The following GTF2E2 variants were observed in gnomAD, a reference collection of about 807,000 sequenced individuals.
GTF2E2 encodes the protein general transcription factor IIE subunit 2.
Under a neutral mutation model 40.5 loss-of-function variants are expected in GTF2E2, and 21 were observed. The ratio of observed to expected loss-of-function variants is 0.52; its 90% confidence interval spans 0.37 to 0.75. The LOEUF (loss-of-function observed/expected upper bound fraction) is 0.75. Ranked by LOEUF, GTF2E2 falls within the 30% of genes least tolerant of loss-of-function variation. The pLI, the probability that GTF2E2 is intolerant of heterozygous loss-of-function variation, is 0.00. For synonymous variants in GTF2E2, 117 were observed against 121.6 expected (o/e 0.96, Z 0.25); for missense variants, 298 against 338.4 (o/e 0.88, Z 0.94).
At chr8:30,584,529 C>T (rs1011995578) in intron 6 of GTF2E2, 5 of 152,162 alleles carry the variant, frequency 3.3e-5, no homozygotes, top group Admixed American at 3.3e-4. Context: ...ATTTAGAAAT[C>T]TACTCTCTTA....
chr8:30,651,079 A>G (rs1346727222), intron 2 of GTF2E2, among the ~76,000 whole-genome samples: 1 of 152,064 alleles, frequency 6.6e-6, no homozygotes, highest in Non-Finnish European at 1.5e-5. Context: ...TGGAAAGGGC[A>G]TGTACAAAAA....
At chr8:30,620,074 T>C (rs957460753) in intron 3 of GTF2E2, among the ~76,000 whole-genome samples, 3 of 152,046 alleles carry the variant, frequency 2.0e-5, no homozygotes, top group African/African-American at 7.3e-5. Context: ...CTCCCCTTTA[T>C]GTCTCCAGAA....
At position 30,656,518 on chromosome 8, in the gene GTF2E2, A is replaced by T. The variant is rs149153712; in HGVS notation, c.-5+1455T>A. On this transcript the variant is annotated intron_variant, in intron 1 of 7. Transcript: ENST00000355904. ...GACTTTAAAAAAATTACTCTAAAAG[A>T]TTTAAATAGGCCGGGCGCAGCGGCT... Among the ~76,000 whole-genome samples the T allele has an allele frequency of 6.6e-5, 10 of 152,280 alleles. No homozygotes were observed. In the East Asian group the frequency reaches 1.4e-3, roughly 21 times the overall value.
chr8:30,634,822 T>C (rs1801536510), intron 3 of GTF2E2, among the ~76,000 whole-genome samples: 2 of 152,192 alleles, frequency 1.3e-5, no homozygotes, highest in Non-Finnish European at 2.9e-5. Context: ...TTAATGCAGA[T>C]TAAATATGCT....
chr8:30,598,871 A>G (rs1829089031), intron 6 of GTF2E2, among the ~76,000 whole-genome samples: 1 of 152,194 alleles, frequency 6.6e-6, no homozygotes, highest in Non-Finnish European at 1.5e-5. Flanking sequence ...AAACAAGACA[A>G]TCTTTGGCTG....
intron 3 of GTF2E2, among the ~76,000 whole-genome samples, chr8:30,619,622 C>T (rs1044733215): frequency 6.6e-6 from 1 of 151,858 alleles, no homozygotes; most frequent in African/African-American, 2.4e-5. Context: ...CTCCTGACCT[C>T]ATGATCTGGC....
Position 30,620,426 on chromosome 8 carries a change from G to A in GTF2E2, c.259-5711C>T, listed in dbSNP as rs186356627. ...AAGAAAAGGTTAAATGAAGATGTTT[G>A]ACACAGCACTCATTCAATCATACTG... On this transcript the variant is annotated intron_variant, in intron 3 of 7. Coordinates refer to ENST00000355904, the MANE Select transcript of GTF2E2 (RefSeq NM_002095.6). 7.9e-5 allele frequency among the ~76,000 whole-genome samples: 12 copies of A among 152,152 alleles called. No homozygotes were observed. In the East Asian group the frequency reaches 9.6e-4, roughly 12 times the overall value.
At chr8:30,625,514 C>T (rs67817462) in intron 3 of GTF2E2, among the ~76,000 whole-genome samples, 54,418 of 151,994 alleles carry the variant, frequency 0.36, 10,121 homozygotes, top group African/African-American at 0.46. Flanking sequence ...CAGGCAACGA[C>T]CGAACAGCCA....
intron 3 of GTF2E2, among the ~76,000 whole-genome samples, chr8:30,629,606 G>A (rs535129668): frequency 1.5e-4 from 23 of 150,656 alleles, no homozygotes; most frequent in African/African-American, 5.1e-4. Context: ...GGAGAATGGC[G>A]TGAACCCAGG....
intron 2 of GTF2E2, among the ~76,000 whole-genome samples, chr8:30,651,014 A>AG (rs1802256830): frequency 3.3e-5 from 1 of 30,684 alleles, no homozygotes; most frequent in Non-Finnish European, 6.5e-5. Flanking sequence ...ACTCCGTCTC[A>AG]AAAAAAAAAA....
intron 6 of GTF2E2, among the ~76,000 whole-genome samples, chr8:30,587,871 T>C (rs1382251999): frequency 9.5e-6 from 1 of 105,066 alleles, no homozygotes; most frequent in Non-Finnish European, 1.8e-5. Flanking sequence ...GACTCCGTCT[T>C]AAAAAAAAAA....
chr8:30,619,633 C>T (rs1801027318), intron 3 of GTF2E2, among the ~76,000 whole-genome samples: 1 of 151,856 alleles, frequency 6.6e-6, no homozygotes, highest in South Asian at 2.1e-4. Flanking sequence ...ATGATCTGGC[C>T]ACCTCAGCCT....
chr8:30,602,854 C>T (rs1829221419), intron 6 of GTF2E2, among the ~76,000 whole-genome samples: 1 of 152,018 alleles, frequency 6.6e-6, no homozygotes, highest in Non-Finnish European at 1.5e-5. Context: ...TTTGCTATTC[C>T]CTCTGCCTGG....
In GTF2E2 at chr8:30,635,078, G is replaced by C. The variant is rs913677259; in HGVS notation, c.212C>G (p.Ser71Cys). ...SFNLKALSGS[S>C]GYKFGVLAKI... is the part of the protein sequence containing the mutation. ...AGCAAGAACACCAAACTTATATCCAGAGCTTCCTGACAAAGCTTTCAAGTT... is the reference window on the plus strand; with the variant it reads ...AGCAAGAACACCAAACTTATATCCACAGCTTCCTGACAAAGCTTTCAAGTT... The change falls in exon 3 of 8, where the codon TCT becomes TGT. Residue 71 changes from serine to cysteine, a missense_variant. Transcript: ENST00000355904. 1.2e-6 allele frequency: 2 copies of C among 1,609,182 alleles called. No individual in the cohort carries two copies. Among genetic ancestry groups the C allele is most frequent in the Non-Finnish European group, 1.7e-6 (2 of 1,176,352 alleles).
rs538671767 is a variant in GTF2E2, at chr8:30,649,058, A to T, written c.166+4375T>A. On this transcript the variant is annotated intron_variant, in intron 2 of 7. Transcript: ENST00000355904. ...AAGGCTCAAGTGGCTTAAGCCTGAGAGTGGCTATGTTAATGTTTAAAACAG... is the reference window on the plus strand; with the variant it reads ...AAGGCTCAAGTGGCTTAAGCCTGAGTGTGGCTATGTTAATGTTTAAAACAG... Among the ~76,000 whole-genome samples the T allele has an allele frequency of 2.6e-5, 4 of 152,266 alleles. 1 individual carries two copies. In the South Asian group the frequency reaches 8.3e-4, roughly 32 times the overall value.
intron 3 of GTF2E2, among the ~76,000 whole-genome samples, chr8:30,625,430 A>G (rs1209216052): frequency 6.6e-6 from 1 of 152,136 alleles, no homozygotes; most frequent in African/African-American, 2.4e-5. Context: ...CTAAGGTTCC[A>G]CAAGAAATCG....
At chr8:30,629,018 C>T (rs1801363127) in intron 3 of GTF2E2, among the ~76,000 whole-genome samples, 1 of 151,940 alleles carries the variant, frequency 6.6e-6, no homozygotes, top group Non-Finnish European at 1.5e-5. Context: ...ATATAACTTA[C>T]ACTAATTAAT....
chr8:30,618,065 G>A (rs765426924), intron 3 of GTF2E2, among the ~76,000 whole-genome samples: 16 of 152,140 alleles, frequency 1.1e-4, no homozygotes, highest in African/African-American at 3.1e-4. Context: ...TTGGGAGGCC[G>A]AGGCAGATGG....
chr8:30,593,185 TG>T (rs768838943), intron 6 of GTF2E2, among the ~76,000 whole-genome samples: 32 of 152,220 alleles, frequency 2.1e-4, no homozygotes, highest in Middle Eastern at 3.2e-3. Context: ...GAGTGAAACC[TG>T]TCTCAAAAGA....
Sources: allele counts gnomAD v4.1 joint callset (sites outside exome capture counted in the v4.1 genomes callset), GRCh38; gene constraint gnomAD v4.1.1; transcripts MANE v1.5; gene names NCBI Gene and HGNC (gene_info 2026-07-23, HGNC 2026-07-21).